The following PLXNC1 variants were observed in gnomAD, a reference collection of about 807,000 sequenced individuals.
PLXNC1 encodes plexin-C1.
In PLXNC1, 75 loss-of-function variants were observed where a neutral mutation model predicts 178.2. That is an observed-to-expected ratio of 0.42 (90% CI 0.35 to 0.51). The LOEUF (loss-of-function observed/expected upper bound fraction) is 0.51, where lower values mean the gene tolerates loss of function less well. Ranked by LOEUF, PLXNC1 falls within the 20% of genes least tolerant of loss-of-function variation. The pLI is 0.02. For missense variants in PLXNC1, 1,503 were observed against 1,984.4 expected (o/e 0.76, Z 4.61); for synonymous variants, 790 against 779.9 (o/e 1.01, Z -0.22).
intron 23 of PLXNC1, among the ~76,000 whole-genome samples, chr12:94,285,936 G>A (rs1966815365): frequency 1.3e-5 from 2 of 152,140 alleles, no homozygotes; most frequent in Admixed American, 6.5e-5. Context: ...GGGGTGGGCC[G>A]CAGAGGCAGG....
chr12:94,243,823 C>G, intron 11 of PLXNC1, 115 bp from the exon 12 acceptor site: 1 of 485,506 alleles, frequency 2.1e-6, no homozygotes, highest in East Asian at 3.2e-5. Flanking sequence ...TTAATTTGCT[C>G]TCAAACATAA....
intron 4 of PLXNC1, among the ~76,000 whole-genome samples, chr12:94,199,254 C>A (rs1279906251): frequency 1.3e-5 from 2 of 152,178 alleles, no homozygotes; most frequent in African/African-American, 4.8e-5. Flanking sequence ...TCCTCCTTTC[C>A]TTCCAATCCG....
intron 4 of PLXNC1, chr12:94,186,685 G>C (rs921199332): frequency 6.1e-6 from 3 of 494,132 alleles, no homozygotes; most frequent in South Asian, 4.3e-5. Context: ...GAGCTCCCCA[G>C]TCTCGGGGCG....
intron 6 of PLXNC1, 122 bp downstream of exon 6, chr12:94,220,285 C>A: frequency 1.1e-6 from 1 of 905,652 alleles, no homozygotes; most frequent in Non-Finnish European, 1.7e-6. Flanking sequence ...CCTCACTACC[C>A]CCTGGTTCCC....
intron 9 of PLXNC1, among the ~76,000 whole-genome samples, chr12:94,228,339 C>G (rs1592787183): frequency 6.6e-6 from 1 of 152,196 alleles, no homozygotes. Context: ...ATCAGGAAGA[C>G]AGTGGCTTTG....
intron 5 of PLXNC1, among the ~76,000 whole-genome samples, chr12:94,212,811 C>G (rs1191725112): frequency 6.6e-6 from 1 of 151,750 alleles, no homozygotes; most frequent in African/African-American, 2.4e-5. Flanking sequence ...GCTCCGCCTC[C>G]CAGGTTCATG....
At chr12:94,255,169 T>C (rs2291326) in intron 16 of PLXNC1, 24 bp from the exon 17 acceptor site, 349,582 of 1,552,324 alleles carry the variant, frequency 0.23, 41,038 homozygotes, top group South Asian at 0.28. Context: ...GTTAAAATAT[T>C]GCTCTTGGGA....
At chr12:94,250,631 A>G (rs530865809) in intron 14 of PLXNC1, among the ~76,000 whole-genome samples, 68 of 152,324 alleles carry the variant, frequency 4.5e-4, no homozygotes, top group African/African-American at 1.6e-3. Context: ...CAAGTTTCAC[A>G]AAATATAACC....
intron 27 of PLXNC1, among the ~76,000 whole-genome samples, chr12:94,299,887 G>C (rs1277683793): frequency 6.6e-6 from 1 of 152,038 alleles, no homozygotes; most frequent in African/African-American, 2.4e-5. Context: ...TCCAGTCCCT[G>C]CCACTCCCAC....
rs538146516 is a variant in PLXNC1, at chr12:94,182,760, A to T, written c.1338+1180A>T. 1.5e-4 allele frequency among the ~76,000 whole-genome samples: 23 copies of T among 152,190 alleles called. No individual in the cohort carries two copies. In the East Asian group the frequency reaches 3.5e-3, roughly 23 times the overall value. ...AAAAAAAGAAAGAAGAAGAAAAAGA[A>T]ATGTGTTATTAATTTAATAAAAATA... On this transcript the variant is annotated intron_variant, in intron 3 of 30. Coordinates refer to ENST00000258526, the MANE Select transcript of PLXNC1 (RefSeq NM_005761.3).
intron 23 of PLXNC1, among the ~76,000 whole-genome samples, chr12:94,291,389 CTTTT>C (rs1445738812): frequency 6.6e-6 from 1 of 152,066 alleles, no homozygotes; most frequent in Non-Finnish European, 1.5e-5. Context: ...ATGCTCAGCG[CTTTT>C]TTGTTTGTTT....
intron 4 of PLXNC1, among the ~76,000 whole-genome samples, chr12:94,199,803 G>GT (rs888089881): frequency 3.3e-5 from 5 of 152,046 alleles, no homozygotes; most frequent in African/African-American, 1.2e-4. Flanking sequence ...TGGTTGGTTG[G>GT]TTTTTTTAGA....
intron 9 of PLXNC1, among the ~76,000 whole-genome samples, chr12:94,235,198 C>T (rs1455989911): frequency 6.6e-6 from 1 of 151,956 alleles, no homozygotes; most frequent in African/African-American, 2.4e-5. Flanking sequence ...CCTCTCTAAA[C>T]AATAGGGGTT....
At chr12:94,216,268 C>CAAA (rs11368474) in intron 5 of PLXNC1, among the ~76,000 whole-genome samples, 35 of 145,594 alleles carry the variant, frequency 2.4e-4, no homozygotes, top group East Asian at 1.4e-3. Context: ...AACTGTGTCT[C>CAAA]AAAAAAAAAA....
At chr12:94,271,830 TTTGG>T (rs543464146) in intron 21 of PLXNC1, among the ~76,000 whole-genome samples, 284 of 152,302 alleles carry the variant, frequency 1.9e-3, no homozygotes, top group Middle Eastern at 3.4e-3. Flanking sequence ...CAGTATTCTT[TTTGG>T]TTGGTTATTT....
intron 1 of PLXNC1, 90 bp from the exon 2 acceptor site, chr12:94,169,063 G>A: frequency 1.7e-6 from 2 of 1,191,208 alleles, no homozygotes; most frequent in Non-Finnish European, 2.4e-6. Flanking sequence ...TCCTGCCTAG[G>A]AGGGCATGAG....
At chr12:94,155,641 T>C (rs896318756) in intron 1 of PLXNC1, among the ~76,000 whole-genome samples, 5 of 152,242 alleles carry the variant, frequency 3.3e-5, no homozygotes, top group African/African-American at 1.2e-4. Context: ...CTTGCCATTT[T>C]TGGGCTTAGA....
chr12:94,153,626 G>T (rs1394281424), intron 1 of PLXNC1, among the ~76,000 whole-genome samples: 1 of 152,170 alleles, frequency 6.6e-6, no homozygotes, highest in African/African-American at 2.4e-5. Flanking sequence ...GGGGTCACTC[G>T]TGGTTTAAAC....
intron 5 of PLXNC1, among the ~76,000 whole-genome samples, chr12:94,210,461 G>A (rs1159126449): frequency 6.6e-6 from 1 of 152,196 alleles, no homozygotes; most frequent in South Asian, 2.1e-4. Context: ...ATTGTACAGA[G>A]TCCTCTGTTA....
Sources: allele counts gnomAD v4.1 joint callset (sites outside exome capture counted in the v4.1 genomes callset), GRCh38; gene constraint gnomAD v4.1.1; transcripts MANE v1.5; gene names NCBI Gene and HGNC (gene_info 2026-07-23, HGNC 2026-07-21).